Variants in SLIT2 observed in about 807,000 individuals in gnomAD.
SLIT2 encodes slit guidance ligand 2, also known as slit homolog 2 protein.
A neutral mutation model predicts 185.7 loss-of-function variants in SLIT2; 41 were observed. That is an observed-to-expected ratio of 0.22 (90% CI 0.17 to 0.29). The LOEUF is 0.29. Among genes scored for constraint, SLIT2 ranks in the 10% least tolerant of loss-of-function variants. The pLI is 1.00. For synonymous variants in SLIT2, 693 were observed against 680.2 expected, an observed-to-expected ratio of 1.02 and a Z score of -0.29; for missense variants, 1,571 against 1,909.0, an observed-to-expected ratio of 0.82 and a Z score of 3.30.
intron 4 of SLIT2, among the ~76,000 whole-genome samples, chr4:20,395,071 T>C (rs1196371967): frequency 1.3e-5 from 2 of 152,030 alleles, no homozygotes; most frequent in African/African-American, 4.8e-5. Flanking sequence ...TCTTTTACTC[T>C]AAGATAAACA....
At chr4:20,495,463 A>G (rs1475092960) in intron 9 of SLIT2, among the ~76,000 whole-genome samples, 1 of 152,162 alleles carries the variant, frequency 6.6e-6, no homozygotes, top group Non-Finnish European at 1.5e-5. Flanking sequence ...TAAGATGGAG[A>G]CATAACATAT....
intron 9 of SLIT2, among the ~76,000 whole-genome samples, chr4:20,497,794 G>C (rs1162483907): frequency 6.6e-6 from 1 of 152,094 alleles, no homozygotes; most frequent in Non-Finnish European, 1.5e-5. Context: ...GGGTGGGGAA[G>C]ACAGTGTTGG....
At chr4:20,520,651 A>T (rs1720758464) in intron 12 of SLIT2, among the ~76,000 whole-genome samples, 1 of 152,160 alleles carries the variant, frequency 6.6e-6, no homozygotes, top group Non-Finnish European at 1.5e-5. Flanking sequence ...CATGTCTTAA[A>T]CTTTTTCACC....
intron 4 of SLIT2, among the ~76,000 whole-genome samples, chr4:20,402,839 T>G (rs1412504213): frequency 6.6e-6 from 1 of 151,888 alleles, no homozygotes; most frequent in African/African-American, 2.4e-5. Flanking sequence ...AATATTGAGA[T>G]ACCTAAGAAG....
chr4:20,401,026 AAAC>A (rs1726315237), intron 4 of SLIT2, among the ~76,000 whole-genome samples: 1 of 151,960 alleles, frequency 6.6e-6, no homozygotes, highest in South Asian at 2.1e-4. Context: ...TTGAAAATAT[AAAC>A]AAGTTTAGGT....
rs1042080428 is a variant in SLIT2, at chr4:20,494,130, T to C, written c.914+2231T>C. Among the ~76,000 whole-genome samples the C allele has an allele frequency of 2.0e-5, 3 of 152,342 alleles. No individual in the cohort carries two copies. In the East Asian group the frequency reaches 5.8e-4, roughly 29 times the overall value. On this transcript the variant is annotated intron_variant, in intron 9 of 36. Coordinates refer to ENST00000504154, the MANE Select transcript of SLIT2 (RefSeq NM_004787.4). ...AATTGGTCTGATGGCTGTGTGCCAG[T>C]GATTTGACAAAAGGAGAGAATGCAA... is the stretch of plus-strand genomic sequence containing the variant.
rs77090887 is a variant in SLIT2 at position 20,445,656 on chromosome 4, A to G, written c.396-22096A>G. ...TGTATCTAATCTTGTGGGTATGTGC[A>G]TGTATATTTTTCCAAGAAAGTGTCC... On this transcript the variant is annotated intron_variant, in intron 4 of 36. Transcript: ENST00000504154. 6.9e-3 allele frequency among the ~76,000 whole-genome samples: 1,057 copies of G among 152,330 alleles called. 21 individuals are homozygous for G. The highest frequency in any genetic ancestry group is 0.024 in the African/African-American group (999 of 41,574).
chr4:20,457,492 A>G (rs1368070673), intron 4 of SLIT2, among the ~76,000 whole-genome samples: 1 of 152,032 alleles, frequency 6.6e-6, no homozygotes, highest in Non-Finnish European at 1.5e-5. Flanking sequence ...AAATGTATAG[A>G]TACTAAAGAT....
intron 4 of SLIT2, among the ~76,000 whole-genome samples, chr4:20,449,306 AT>A (rs1712206234): frequency 6.6e-6 from 1 of 152,206 alleles, no homozygotes; most frequent in African/African-American, 2.4e-5. Context: ...AAATTATTGA[AT>A]GTTTTAATTG....
intron 5 of SLIT2, among the ~76,000 whole-genome samples, chr4:20,472,570 A>ATATCGATATATC (rs1715580413): frequency 4.4e-5 from 1 of 22,926 alleles, no homozygotes; most frequent in African/African-American, 3.8e-4. Context: ...ATATCTATAT[A>ATATCGATATATC]TAGATATATC....
chr4:20,335,952 A>T (rs1383828122), intron 4 of SLIT2, among the ~76,000 whole-genome samples: 1 of 152,138 alleles, frequency 6.6e-6, no homozygotes, highest in Non-Finnish European at 1.5e-5. Context: ...CAACTGATAG[A>T]TGTAGAGAGG....
intron 29 of SLIT2, among the ~76,000 whole-genome samples, chr4:20,583,554 G>A (rs949480062): frequency 2.6e-5 from 4 of 152,130 alleles, no homozygotes; most frequent in Non-Finnish European, 5.9e-5. Flanking sequence ...GCTCACGCCT[G>A]TAATCCCAAG....
intron 33 of SLIT2, among the ~76,000 whole-genome samples, chr4:20,600,698 G>A (rs1489610988): frequency 6.6e-6 from 1 of 151,904 alleles, no homozygotes; most frequent in Non-Finnish European, 1.5e-5. Flanking sequence ...GAAGCTGCAA[G>A]CCCATGTTTC....
At chr4:20,578,194 A>T (rs938544072) in intron 29 of SLIT2, among the ~76,000 whole-genome samples, 4 of 152,166 alleles carry the variant, frequency 2.6e-5, no homozygotes, top group African/African-American at 9.6e-5. Context: ...CTATTTTTTT[A>T]TCCAGCACTA....
intron 26 of SLIT2, among the ~76,000 whole-genome samples, chr4:20,562,458 T>C (rs1413887332): frequency 1.3e-5 from 2 of 151,824 alleles, no homozygotes; most frequent in East Asian, 1.9e-4. Flanking sequence ...TTCTTCTCCC[T>C]TGATGGCTTG....
chr4:20,370,312 T>C (rs749082910), intron 4 of SLIT2, among the ~76,000 whole-genome samples: 4 of 152,128 alleles, frequency 2.6e-5, no homozygotes, highest in Non-Finnish European at 4.4e-5. Flanking sequence ...AATATTTCAA[T>C]CGATTATCTT....
At chr4:20,610,263 G>C in intron 34 of SLIT2, 96 bp downstream of exon 34, 1 of 1,080,922 alleles carries the variant, frequency 9.3e-7, no homozygotes, top group Middle Eastern at 2.9e-4. Context: ...ATCAGGATTT[G>C]TCATTGACCA....
At chr4:20,371,967 C>T (rs2109319439) in intron 4 of SLIT2, among the ~76,000 whole-genome samples, 1 of 152,092 alleles carries the variant, frequency 6.6e-6, no homozygotes, top group East Asian at 1.9e-4. Context: ...CTTTTTAGGA[C>T]TATTCTGTGC....
At chr4:20,605,116 G>C (rs1047671766) in intron 33 of SLIT2, among the ~76,000 whole-genome samples, 6 of 152,138 alleles carry the variant, frequency 3.9e-5, no homozygotes, top group Non-Finnish European at 8.8e-5. Flanking sequence ...TTACAGGCGT[G>C]AGCCACCGCA....
Sources: gnomAD v4.1 joint callset for allele counts (sites outside exome capture counted in the v4.1 genomes callset) on GRCh38, gnomAD v4.1.1 for gene constraint, MANE v1.5 for transcripts, NCBI Gene and HGNC (gene_info 2026-07-23, HGNC 2026-07-21) for gene names.